Variants in RSU1 observed in about 807,000 individuals in gnomAD.
RSU1 encodes the protein Ras suppressor protein 1.
RSU1 carries 26 observed loss-of-function variants against 31.1 expected under a neutral mutation model. The observed-to-expected ratio is 0.84, with a 90% confidence interval of 0.61 to 1.16. The LOEUF is 1.16. Among genes scored for constraint, RSU1 ranks in the 50% most tolerant of loss-of-function variants. The pLI is 0.00. For synonymous variants in RSU1, 164 were observed against 136.3 expected (o/e 1.20, Z -1.41); for missense variants, 320 against 339.1 (o/e 0.94, Z 0.44).
At chr10:16,720,350 A>G (rs1349194223) in intron 7 of RSU1, among the ~76,000 whole-genome samples, 1 of 152,246 alleles carries the variant, frequency 6.6e-6, no homozygotes, top group Non-Finnish European at 1.5e-5. Context: ...ACAAATATAC[A>G]TATTGAACAG....
chr10:16,794,591 T>G (rs1837988188), intron 2 of RSU1, among the ~76,000 whole-genome samples: 1 of 152,220 alleles, frequency 6.6e-6, no homozygotes, highest in Admixed American at 6.5e-5. Context: ...TCAAACAACT[T>G]AAGCTCCTCA....
chr10:16,654,105 C>T (rs901364450), intron 8 of RSU1, among the ~76,000 whole-genome samples: 12 of 151,770 alleles, frequency 7.9e-5, no homozygotes, highest in Non-Finnish European at 1.3e-4. Context: ...CGGGCTCAAG[C>T]GATTCTCTTG....
At chr10:16,703,698 T>G (rs765704062) in intron 7 of RSU1, among the ~76,000 whole-genome samples, 1 of 152,216 alleles carries the variant, frequency 6.6e-6, no homozygotes, top group African/African-American at 2.4e-5. Flanking sequence ...CTGTAAAACT[T>G]ATACAGCATG....
At chr10:16,743,095 T>C (rs1836783770) in intron 7 of RSU1, among the ~76,000 whole-genome samples, 1 of 152,202 alleles carries the variant, frequency 6.6e-6, no homozygotes, top group African/African-American at 2.4e-5. Flanking sequence ...AATTAAAACG[T>C]AGGAGCATGC....
At chr10:16,712,504 T>C (rs1053525260) in intron 7 of RSU1, among the ~76,000 whole-genome samples, 3 of 152,162 alleles carry the variant, frequency 2.0e-5, no homozygotes, top group African/African-American at 7.2e-5. Context: ...GTAATTTCTT[T>C]CTTTGTGGTT....
intron 8 of RSU1, among the ~76,000 whole-genome samples, chr10:16,680,111 A>C (rs1012921018): frequency 6.6e-6 from 1 of 151,852 alleles, no homozygotes; most frequent in East Asian, 1.9e-4. Context: ...CAAACTCCTA[A>C]CCTCAAGTGA....
At position 16,726,584 on chromosome 10, in the gene RSU1, T is replaced by C. The variant is rs189502733; in HGVS notation, c.598+25955A>G. ...CCGGCCAAGAACGTATCTTGAATGA[T>C]GGTCACCAAAACATACTTCTGATTA... On this transcript the variant is annotated intron_variant, in intron 7 of 8. Coordinates refer to ENST00000345264, the MANE Select transcript of RSU1 (RefSeq NM_012425.4). 6.3e-4 allele frequency among the ~76,000 whole-genome samples: 96 copies of C among 152,272 alleles called. 1 individual carries two copies. The highest frequency in any genetic ancestry group is 9.3e-4 in the Non-Finnish European group (63 of 68,012).
chr10:16,728,405 C>G lies in RSU1; in HGVS notation c.598+24134G>C, dbSNP rs529411333. The stretch of plus-strand genomic sequence containing the variant: ...ATACACCTACACCCTTCATCATACC[C>G]AGACCCAAATCCCAGTGGAATCAGG... On this transcript the variant is annotated intron_variant, in intron 7 of 8. Coordinates refer to ENST00000345264, the MANE Select transcript of RSU1 (RefSeq NM_012425.4). 2.6e-5 allele frequency among the ~76,000 whole-genome samples: 4 copies of G among 152,258 alleles called. No individual in the cohort carries two copies. In the South Asian group the frequency reaches 8.3e-4, roughly 32 times the overall value.
intron 8 of RSU1, among the ~76,000 whole-genome samples, chr10:16,641,491 CAAA>C (rs59893762): frequency 2.6e-5 from 3 of 114,330 alleles, no homozygotes; most frequent in Admixed American, 9.6e-5. Context: ...GACTTTATCT[CAAA>C]AAAAAAAAAA....
chr10:16,741,911 A>G (rs1451149126), intron 7 of RSU1, among the ~76,000 whole-genome samples: 1 of 152,110 alleles, frequency 6.6e-6, no homozygotes, highest in Non-Finnish European at 1.5e-5. Flanking sequence ...TCTTTCTTTC[A>G]AAGATTTTCT....
intron 8 of RSU1, among the ~76,000 whole-genome samples, chr10:16,610,363 C>T (rs1266815502): frequency 6.6e-6 from 1 of 152,190 alleles, no homozygotes; most frequent in Non-Finnish European, 1.5e-5. Flanking sequence ...CGGCCCCTTT[C>T]CTGTCATCCT....
At chr10:16,663,709 A>C (rs1251630351) in intron 8 of RSU1, among the ~76,000 whole-genome samples, 1 of 152,126 alleles carries the variant, frequency 6.6e-6, no homozygotes, top group South Asian at 2.1e-4. Flanking sequence ...TGATCACCAA[A>C]ATACAGAAGG....
chr10:16,778,831 G>C (rs1837595054), intron 3 of RSU1, among the ~76,000 whole-genome samples: 1 of 152,174 alleles, frequency 6.6e-6, no homozygotes, highest in Non-Finnish European at 1.5e-5. Flanking sequence ...GATTAGGGCA[G>C]TTTCTGAAAG....
At chr10:16,736,982 G>A (rs1836640634) in intron 7 of RSU1, among the ~76,000 whole-genome samples, 1 of 138,102 alleles carries the variant, frequency 7.2e-6, no homozygotes, top group African/African-American at 2.6e-5. Flanking sequence ...TAATGACAGT[G>A]CACAAGAAAC....
At position 16,593,327 on chromosome 10, in the gene RSU1, A is replaced by G; in HGVS notation, c.*67T>C. 6.2e-7 allele frequency: 1 copy of G among 1,603,294 alleles called. No individual in the cohort carries two copies. Among genetic ancestry groups the G allele is most frequent in the Non-Finnish European group, 8.5e-7 (1 of 1,174,146 alleles). ...GCAGCATTGGGTTTATTTGAGAGAC[A>G]GGGCAAGAGAGAATGAAGTGTTGGA... On this transcript the variant is annotated 3_prime_UTR_variant, in exon 9 of 9. Transcript: ENST00000345264.
At chr10:16,605,316 C>T (rs1355245909) in intron 8 of RSU1, among the ~76,000 whole-genome samples, 1 of 152,154 alleles carries the variant, frequency 6.6e-6, no homozygotes, top group Non-Finnish European at 1.5e-5. Flanking sequence ...ATGTCTGTTT[C>T]CTGCCTCCCC....
At chr10:16,763,474 A>G (rs12763372) in intron 4 of RSU1, among the ~76,000 whole-genome samples, 48,061 of 151,956 alleles carry the variant, frequency 0.32, 8,881 homozygotes, top group African/African-American at 0.52. Flanking sequence ...TAACTCACTC[A>G]CTATCACAAG....
intron 8 of RSU1, among the ~76,000 whole-genome samples, chr10:16,643,498 T>C (rs1834480926): frequency 6.6e-6 from 1 of 152,186 alleles, no homozygotes; most frequent in African/African-American, 2.4e-5. Flanking sequence ...GAAACAAGTA[T>C]ATTGGAACTC....
chr10:16,698,065 C>T (rs1564321853), intron 7 of RSU1, among the ~76,000 whole-genome samples: 1 of 136,136 alleles, frequency 7.3e-6, no homozygotes, highest in African/African-American at 2.9e-5. Flanking sequence ...TACATTTGGG[C>T]ACAGAGCAGC....
Sources: allele counts gnomAD v4.1 joint callset (sites outside exome capture counted in the v4.1 genomes callset), GRCh38; gene constraint gnomAD v4.1.1; transcripts MANE v1.5; gene names NCBI Gene and HGNC (gene_info 2026-07-23, HGNC 2026-07-21).